Variants in PXYLP1 observed in about 807,000 individuals in gnomAD.
PXYLP1 encodes acid phosphatase-like 2.
PXYLP1 carries 17 observed loss-of-function variants against 37.9 expected under a neutral mutation model. That is an observed-to-expected ratio of 0.45 (90% CI 0.31 to 0.67). The LOEUF (loss-of-function observed/expected upper bound fraction) is 0.67. Ranked by LOEUF, PXYLP1 falls within the 30% of genes least tolerant of loss-of-function variation. The pLI, the probability that PXYLP1 is intolerant of heterozygous loss-of-function variation, is 0.07. For synonymous variants in PXYLP1, 221 were observed against 232.2 expected (o/e 0.95, Z 0.44); for missense variants, 511 against 612.0 (o/e 0.84, Z 1.74).
intron 2 of PXYLP1, among the ~76,000 whole-genome samples, chr3:141,270,112 G>A (rs1012998467): frequency 1.3e-5 from 2 of 152,220 alleles, no homozygotes; most frequent in African/African-American, 2.4e-5. Context: ...GGAGTTCTCC[G>A]GCTCCCTGAA....
chr3:141,256,484 C>T (rs139908872), intron 1 of PXYLP1, among the ~76,000 whole-genome samples: 2 of 152,296 alleles, frequency 1.3e-5, no homozygotes, highest in East Asian at 3.9e-4. Context: ...ACTACGCACT[C>T]CACTTCTCAT....
rs367767651 is a variant in PXYLP1, at chr3:141,292,646, T to C, written c.884T>C (p.Ile295Thr). Residue 295 changes from isoleucine (I) to threonine (T), a missense_variant, in exon 6 of 6, where the codon ATA (isoleucine) becomes ACA (threonine). Transcript: ENST00000286353. The surrounding 1 kb of genome is among the most constrained non-coding windows in gnomAD (Gnocchi z 4.3). ...AAGCAGCTTAGAGCTGCCAACCCCA[T>C]AGACTCCATGCTCTGCCACTTCTGC... ...PTKQLRAANP[I>T]DSMLCHFCHN... 6.2e-7 allele frequency: 1 copy of C among 1,613,584 alleles called. No homozygotes were observed. The highest frequency in any genetic ancestry group is 8.5e-7 in the Non-Finnish European group (1 of 1,179,738).
chr3:141,287,386 C>G lies in PXYLP1; in HGVS notation c.438C>G (p.Ser146Arg), dbSNP rs757539558. The G allele has an allele frequency of 6.2e-7, 1 of 1,614,166 alleles. No individual in the cohort carries two copies. Among genetic ancestry groups the G allele is most frequent in the Admixed American group, 1.7e-5 (1 of 60,030 alleles). The stretch of plus-strand genomic sequence containing the variant: ...AAGGATCCGGAGCCTCTTTCGAAAG[C>G]CCCTTGAACTCCTTGCCTCTTTACC... Reference protein sequence around the residue: ...MSKGSGASFESPLNSLPLYPN... With the variant: ...MSKGSGASFERPLNSLPLYPN... Residue 146 changes from serine (S) to arginine (R), a missense_variant, in exon 5 of 6, where the codon AGC becomes AGG. Transcript: ENST00000286353.
intron 1 of PXYLP1, among the ~76,000 whole-genome samples, chr3:141,248,023 G>GTTTTTT (rs55888415): frequency 2.1e-4 from 26 of 122,888 alleles, no homozygotes; most frequent in South Asian, 1.1e-3. Context: ...TTTTTGTTTT[G>GTTTTTT]TTTTTTTTTT....
At chr3:141,287,494 C>T (rs1942104779) in intron 5 of PXYLP1, 41 bp downstream of exon 5, 2 of 1,599,074 alleles carry the variant, frequency 1.3e-6, no homozygotes, top group African/African-American at 2.7e-5. Flanking sequence ...CCCCCACCCG[C>T]TCTTCTGCTT....
Position 141,293,379 on chromosome 3 carries a change from G to A in PXYLP1, c.*174G>A. The A allele has an allele frequency of 1.5e-6, 1 of 665,878 alleles. No individual in the cohort carries two copies. 41.2% of individuals were successfully genotyped at this position (665,878 alleles called of 1,614,324 possible). A position where few individuals can be genotyped will look rare whatever the true frequency, so the allele number is the denominator to read the frequency against. On this transcript the variant is annotated 3_prime_UTR_variant, in exon 6 of 6. Coordinates refer to ENST00000286353, the MANE Select transcript of PXYLP1 (RefSeq NM_001037172.3). ...AACAGTAAGCACATTGCTGCAATGT[G>A]GTACGTGAATTGCTTGGTACAAAAT...
intron 1 of PXYLP1, among the ~76,000 whole-genome samples, chr3:141,233,798 T>C (rs1940592548): frequency 1.3e-5 from 2 of 152,208 alleles, no homozygotes; most frequent in Admixed American, 6.5e-5. Flanking sequence ...TCAGCTTGAA[T>C]AGTTAGCTCA....
chr3:141,286,318 T>C (rs1576606677), intron 4 of PXYLP1, among the ~76,000 whole-genome samples: 1 of 152,242 alleles, frequency 6.6e-6, no homozygotes, highest in East Asian at 1.9e-4. Context: ...ATATAAACTT[T>C]TTTTGACATT....
Position 141,266,275 on chromosome 3 carries a change from A to T in PXYLP1, c.79+6021A>T, listed in dbSNP as rs531974692. Among the ~76,000 whole-genome samples the T allele has an allele frequency of 7.9e-5, 12 of 152,182 alleles. No homozygotes were observed. The South Asian group carries it at 2.5e-3, about 32-fold the overall frequency. On this transcript the variant is annotated intron_variant, in intron 2 of 5. Transcript: ENST00000286353. ...TAAACTTCCAGCTCCTCTTTGAAAA[A>T]CCAGACTCTGCAGCAACCTGAGGCC...
chr3:141,270,324 T>C (rs1256985483), intron 2 of PXYLP1, among the ~76,000 whole-genome samples: 1 of 152,268 alleles, frequency 6.6e-6, no homozygotes, highest in Non-Finnish European at 1.5e-5. Flanking sequence ...AAATGTGGGC[T>C]TGACTTTTCC....
At chr3:141,283,648 A>G (rs896224515) in intron 4 of PXYLP1, among the ~76,000 whole-genome samples, 5 of 152,116 alleles carry the variant, frequency 3.3e-5, no homozygotes, top group African/African-American at 1.2e-4. Flanking sequence ...TTAATATGTA[A>G]GATGATAAAT....
chr3:141,248,689 GTA>G (rs1164919070), intron 1 of PXYLP1, among the ~76,000 whole-genome samples: 1 of 10,804 alleles, frequency 9.3e-5, no homozygotes, highest in Non-Finnish European at 1.3e-4. Context: ...ATATACACAC[GTA>G]TATACACACA....
intron 1 of PXYLP1, among the ~76,000 whole-genome samples, chr3:141,244,872 T>A (rs1427589674): frequency 6.6e-6 from 1 of 151,952 alleles, no homozygotes; most frequent in African/African-American, 2.4e-5. Flanking sequence ...AAGATGTGCA[T>A]GTTTATTGTT....
Position 141,294,249 on chromosome 3 carries a change from G to A in PXYLP1, c.*1044G>A, listed in dbSNP as rs1942299991. 1.3e-5 allele frequency: 2 copies of A among 152,150 alleles called. No homozygotes were observed. Among genetic ancestry groups the A allele is most frequent in the African/African-American group, 4.8e-5 (2 of 41,446 alleles). 9.4% of individuals were successfully genotyped at this position (152,150 alleles called of 1,614,324 possible). On this transcript the variant is annotated 3_prime_UTR_variant, in exon 6 of 6. Coordinates refer to ENST00000286353, the MANE Select transcript of PXYLP1 (RefSeq NM_001037172.3). The stretch of plus-strand genomic sequence containing the variant: ...ATATTCAATTTGCTGTACCTGCTTG[G>A]TGGTTAGAAGGAGGCTAGAAGATGA...
Position 141,293,376 on chromosome 3 carries a change from T to C in PXYLP1, c.*171T>C. On this transcript the variant is annotated 3_prime_UTR_variant, in exon 6 of 6. Coordinates refer to ENST00000286353, the MANE Select transcript of PXYLP1 (RefSeq NM_001037172.3). ...TTGAACAGTAAGCACATTGCTGCAA[T>C]GTGGTACGTGAATTGCTTGGTACAA... 1.5e-6 allele frequency: 1 copy of C among 671,936 alleles called. No homozygotes were observed. 41.6% of individuals were successfully genotyped at this position (671,936 alleles called of 1,614,324 possible).
chr3:141,289,962 A>T (rs1942163339), intron 5 of PXYLP1, among the ~76,000 whole-genome samples: 1 of 152,184 alleles, frequency 6.6e-6, no homozygotes, highest in South Asian at 2.1e-4. Flanking sequence ...TCGTTTCTAA[A>T]TTAGTGTTAC....
chr3:141,268,726 C>CACCATCCTGCCCTCACT (rs1040225450), intron 2 of PXYLP1, among the ~76,000 whole-genome samples: 1 of 152,192 alleles, frequency 6.6e-6, no homozygotes, highest in African/African-American at 2.4e-5. Flanking sequence ...GGGACTGCCT[C>CACCATCCTGCCCTCACT]ACCATCCTGC....
chr3:141,242,478 G>A (rs1257740606), intron 1 of PXYLP1, among the ~76,000 whole-genome samples: 1 of 152,248 alleles, frequency 6.6e-6, no homozygotes, highest in Non-Finnish European at 1.5e-5. Flanking sequence ...CCAGGGTTTA[G>A]CAAAGCTGTC....
rs778647206 is a variant in PXYLP1 at position 141,292,719 on chromosome 3, G to A, written c.957G>A (p.Glu319=). The A allele has an allele frequency of 3.1e-6, 5 of 1,613,976 alleles. No homozygotes were observed. Among genetic ancestry groups the A allele is most frequent in the Admixed American group, 1.7e-5 (1 of 59,980 alleles). ...PCTRNGCVDM[E]HFKVIKTHQI... is the part of the protein sequence containing the mutation. ...CCAGAAATGGCTGTGTTGACATGGAGCACTTCAAGGTAATTAAGACCCATC... is the reference window on the plus strand; with the variant it reads ...CCAGAAATGGCTGTGTTGACATGGAACACTTCAAGGTAATTAAGACCCATC... Residue 319 remains glutamate (E), a synonymous_variant, in exon 6 of 6, where the codon GAG becomes GAA. Coordinates refer to ENST00000286353, the MANE Select transcript of PXYLP1 (RefSeq NM_001037172.3). This position sits in a 1 kb window ranked among gnomAD's most constrained non-coding sequence, Gnocchi z 4.3.
Sources: allele counts gnomAD v4.1 joint callset (sites outside exome capture counted in the v4.1 genomes callset), GRCh38; gene constraint gnomAD v4.1.1; non-coding constraint Gnocchi (gnomAD v3.1); transcripts MANE v1.5; gene names NCBI Gene and HGNC (gene_info 2026-07-23, HGNC 2026-07-21).